The following TP63 variants were observed in gnomAD, a reference collection of about 807,000 sequenced individuals.
TP63 encodes the protein tumor protein 63.
Under a neutral mutation model 82.8 loss-of-function variants are expected in TP63, and 17 were observed. The observed-to-expected ratio is 0.21, with a 90% CI of 0.14 to 0.31. The LOEUF is 0.31. Ranked by LOEUF, TP63 falls within the 10% of genes least tolerant of loss-of-function variation. The probability of loss-of-function intolerance (pLI) is 1.00; values close to 1 mark genes in which losing one functional copy is unlikely to be tolerated. For missense variants in TP63, 648 were observed against 895.3 expected (o/e 0.72, Z 3.52); for synonymous variants, 330 against 321.7 (o/e 1.03, Z -0.28).
intron 3 of TP63, among the ~76,000 whole-genome samples, 186 bp from the exon 4 acceptor site, chr3:189,808,086 C>A (rs1483974171): frequency 1.3e-5 from 2 of 152,212 alleles, no homozygotes; most frequent in African/African-American, 4.8e-5. Context: ...CCGTTACAAA[C>A]ACACACATGC....
intron 3 of TP63, chr3:189,789,867 C>A: frequency 6.4e-7 from 1 of 1,550,778 alleles, no homozygotes; most frequent in Non-Finnish European, 8.7e-7. Flanking sequence ...TTTTAGCACT[C>A]CATTTAGAGA....
intron 1 of TP63, among the ~76,000 whole-genome samples, chr3:189,657,415 T>C (rs1209968887): frequency 6.6e-6 from 1 of 152,074 alleles, no homozygotes; most frequent in Non-Finnish European, 1.5e-5. Flanking sequence ...TATTACAGAT[T>C]AGTGAAACAA....
At chr3:189,679,752 T>C (rs915420398) in intron 1 of TP63, among the ~76,000 whole-genome samples, 21 of 152,198 alleles carry the variant, frequency 1.4e-4, no homozygotes, top group Admixed American at 6.5e-5. Context: ...TTTCAGCAGT[T>C]CTACAGCTCC....
intron 4 of TP63, among the ~76,000 whole-genome samples, chr3:189,819,540 C>A (rs557273526): frequency 6.6e-6 from 1 of 151,972 alleles, no homozygotes; most frequent in Admixed American, 6.6e-5. Flanking sequence ...TGAGAACATG[C>A]GGTGTTTACA....
chr3:189,784,021 A>G (rs1486707746), intron 3 of TP63, among the ~76,000 whole-genome samples: 1 of 152,036 alleles, frequency 6.6e-6, no homozygotes, highest in Non-Finnish European at 1.5e-5. Context: ...TTGTTTATAT[A>G]CATAAACACG....
At chr3:189,778,783 C>T (rs968641034) in intron 3 of TP63, among the ~76,000 whole-genome samples, 3 of 152,166 alleles carry the variant, frequency 2.0e-5, no homozygotes, top group Non-Finnish European at 4.4e-5. Flanking sequence ...CAACTCGGCC[C>T]TTTAACTTTG....
intron 1 of TP63, among the ~76,000 whole-genome samples, chr3:189,673,382 G>A (rs574603689): frequency 4.3e-4 from 66 of 152,128 alleles, no homozygotes; most frequent in Non-Finnish European, 8.7e-4. Context: ...TATTCTAGAG[G>A]CTCCAGTTAG....
intron 4 of TP63, among the ~76,000 whole-genome samples, chr3:189,861,955 A>T (rs1169218620): frequency 6.6e-6 from 1 of 152,166 alleles, no homozygotes; most frequent in Non-Finnish European, 1.5e-5. Flanking sequence ...TACAATTCTG[A>T]AGTTCCAAGA....
intron 4 of TP63, among the ~76,000 whole-genome samples, chr3:189,830,641 GC>G (rs144221153): frequency 0.012 from 1,860 of 152,184 alleles, 37 homozygotes; most frequent in African/African-American, 0.043. Context: ...GTTTTATTAT[GC>G]CTGTCACTTG....
chr3:189,667,025 G>GA (rs35573853), intron 1 of TP63, among the ~76,000 whole-genome samples: 36,560 of 115,738 alleles, frequency 0.32, 5,390 homozygotes, highest in East Asian at 0.64. Flanking sequence ...TACAGTTTTT[G>GA]AAAAAAAAAA....
At chr3:189,847,139 C>T (rs983052896) in intron 4 of TP63, among the ~76,000 whole-genome samples, 10 of 151,778 alleles carry the variant, frequency 6.6e-5, no homozygotes, top group African/African-American at 2.2e-4. Context: ...GGGCGGATCA[C>T]CTGAGGTCAG....
At chr3:189,765,855 C>T (rs151213848) in intron 3 of TP63, among the ~76,000 whole-genome samples, 4 of 152,266 alleles carry the variant, frequency 2.6e-5, no homozygotes, top group African/African-American at 9.6e-5. Context: ...GAACAGATAA[C>T]TCCCCCTCTG....
At chr3:189,748,833 G>C (rs1305393452) in intron 3 of TP63, among the ~76,000 whole-genome samples, 2 of 152,028 alleles carry the variant, frequency 1.3e-5, no homozygotes, top group Admixed American at 6.6e-5. Context: ...TATAAAAACA[G>C]ATACATAGGT....
chr3:189,762,866 T>A (rs1342209858), intron 3 of TP63, among the ~76,000 whole-genome samples: 1 of 152,174 alleles, frequency 6.6e-6, no homozygotes, highest in South Asian at 2.1e-4. Context: ...TTATTAATGA[T>A]CTAAATTATT....
chr3:189,654,228 A>C (rs1266464295), intron 1 of TP63, among the ~76,000 whole-genome samples: 1 of 152,156 alleles, frequency 6.6e-6, no homozygotes, highest in African/African-American at 2.4e-5. Context: ...AAAGAATGTT[A>C]ATACCAAGCC....
intron 1 of TP63, among the ~76,000 whole-genome samples, chr3:189,693,877 G>T (rs1185576127): frequency 6.6e-6 from 1 of 152,156 alleles, no homozygotes; most frequent in Non-Finnish European, 1.5e-5. Context: ...CGTTGTGAAG[G>T]TTCAGTGAGT....
chr3:189,741,730 A>G (rs1164228696), intron 3 of TP63, among the ~76,000 whole-genome samples: 2 of 152,242 alleles, frequency 1.3e-5, no homozygotes, highest in Non-Finnish European at 2.9e-5. Flanking sequence ...AAACATTTAT[A>G]ACTAGCCATT....
At chr3:189,665,668 A>G (rs1475505398) in intron 1 of TP63, among the ~76,000 whole-genome samples, 1 of 152,082 alleles carries the variant, frequency 6.6e-6, no homozygotes, top group African/African-American at 2.4e-5. Flanking sequence ...CCACCTTGTC[A>G]TGTGAAAAAT....
intron 1 of TP63, among the ~76,000 whole-genome samples, chr3:189,639,866 CTTTCTT>C (rs1474464779): frequency 1.3e-5 from 2 of 152,084 alleles, no homozygotes; most frequent in Admixed American, 6.6e-5. Context: ...TATGGGAACT[CTTTCTT>C]TTAAAGTCAA....
Sources: allele counts gnomAD v4.1 joint callset (sites outside exome capture counted in the v4.1 genomes callset), GRCh38; gene constraint gnomAD v4.1.1; transcripts MANE v1.5; gene names NCBI Gene and HGNC (gene_info 2026-07-23, HGNC 2026-07-21).